Variants in EDNRB observed in about 807,000 individuals in gnomAD.
EDNRB encodes endothelin receptor type B, also known as Hirschsprung disease 2.
Under a neutral mutation model 46.4 loss-of-function variants are expected in EDNRB, and 18 were observed. That is an observed-to-expected ratio of 0.39 (90% CI 0.27 to 0.57). The LOEUF (loss-of-function observed/expected upper bound fraction) is 0.57. Ranked by LOEUF, EDNRB falls within the 20% of genes least tolerant of loss-of-function variation. The probability of loss-of-function intolerance (pLI) is 0.61; values close to 1 mark genes in which losing one functional copy is unlikely to be tolerated. For missense variants in EDNRB, 434 were observed against 537.5 expected (o/e 0.81, Z 1.90); for synonymous variants, 213 against 204.9 (o/e 1.04, Z -0.34).
chr13:77,908,021 CAAA>C (rs1215042889), intron 1 of EDNRB, among the ~76,000 whole-genome samples: 11 of 55,086 alleles, frequency 2.0e-4, no homozygotes, highest in East Asian at 1.1e-3. Context: ...AAAGAGACTG[CAAA>C]AAAAAAAAAA....
At chr13:77,962,152 A>G (rs1881435053) in intron 1 of EDNRB, among the ~76,000 whole-genome samples, 1 of 152,182 alleles carries the variant, frequency 6.6e-6, no homozygotes, top group South Asian at 2.1e-4. Flanking sequence ...CCTACCAACC[A>G]AAAAACGTCC....
intron 1 of EDNRB, among the ~76,000 whole-genome samples, chr13:77,917,542 A>G (rs1337318314): frequency 6.6e-6 from 1 of 152,214 alleles, no homozygotes; most frequent in Non-Finnish European, 1.5e-5. Flanking sequence ...ATTCTAACTT[A>G]GTAAGTCTGA....
At chr13:77,938,843 T>C (rs1304708035) in intron 1 of EDNRB, among the ~76,000 whole-genome samples, 1 of 152,158 alleles carries the variant, frequency 6.6e-6, no homozygotes, top group Admixed American at 6.5e-5. Flanking sequence ...CGATTTAAAA[T>C]TGGTGAGATG....
At chr13:77,962,987 C>T (rs1566339930) in intron 1 of EDNRB, among the ~76,000 whole-genome samples, 1 of 151,524 alleles carries the variant, frequency 6.6e-6, no homozygotes, top group Admixed American at 6.6e-5. Flanking sequence ...AACAGACAAA[C>T]AGAGCCAAAT....
Position 77,897,581 on chromosome 13 carries a change from A to G in EDNRB, c.*619T>C. The G allele has an allele frequency of 1.0e-6, 1 of 985,386 alleles. No homozygotes were observed. The highest frequency in any genetic ancestry group is 1.2e-6 in the Non-Finnish European group (1 of 829,998). The allele number at this position is 985,386 out of a possible 1,614,324, so 61.0% of individuals were successfully genotyped here. A position where few individuals can be genotyped will look rare whatever the true frequency, so the allele number is the denominator to read the frequency against. ...GCAGAATGCTGAGGTTTGGGCTTCT[A>G]GTGAAAGTGTAATGATTTTCAAAAA... On this transcript the variant is annotated 3_prime_UTR_variant, in exon 7 of 7. Coordinates refer to ENST00000646607, the MANE Select transcript of EDNRB (RefSeq NM_001122659.3).
chr13:77,955,354 A>T (rs1881204877), intron 1 of EDNRB, among the ~76,000 whole-genome samples: 1 of 152,100 alleles, frequency 6.6e-6, no homozygotes, highest in African/African-American at 2.4e-5. Flanking sequence ...GGAGTTTCTT[A>T]TATACTTTGG....
intron 1 of EDNRB, chr13:77,939,525 T>C (rs575624083): frequency 1.6e-4 from 25 of 152,346 alleles, no homozygotes; most frequent in African/African-American, 6.0e-4. Flanking sequence ...TTAAATGAAG[T>C]CATGAATGAA....
At chr13:77,949,578 G>A (rs1453697480) in intron 1 of EDNRB, among the ~76,000 whole-genome samples, 1 of 152,096 alleles carries the variant, frequency 6.6e-6, no homozygotes, top group Admixed American at 6.6e-5. Flanking sequence ...GACCTTAATT[G>A]ACACACTGAG....
chr13:77,959,355 C>G (rs569988554), intron 1 of EDNRB, among the ~76,000 whole-genome samples: 1 of 152,188 alleles, frequency 6.6e-6, no homozygotes, highest in Non-Finnish European at 1.5e-5. Context: ...TCCAGAGGAA[C>G]GATCAGGCAG....
chr13:77,895,822 A>G lies in EDNRB; in HGVS notation c.*2378T>C, dbSNP rs1047286785. On this transcript the variant is annotated 3_prime_UTR_variant, in exon 7 of 7. Coordinates refer to ENST00000646607, the MANE Select transcript of EDNRB (RefSeq NM_001122659.3). Reference sequence around the variant, plus strand: ...TGCTATAAACTGTATTCCTTTGGCCATATGTAAGCTATCAATACTAAAAGG... The same window carrying G: ...TGCTATAAACTGTATTCCTTTGGCCGTATGTAAGCTATCAATACTAAAAGG... The G allele has an allele frequency of 4.6e-5, 7 of 152,076 alleles. No individual in the cohort carries two copies. The highest frequency in any genetic ancestry group is 1.4e-4 in the African/African-American group (6 of 41,424). The allele number at this position is 152,076 out of a possible 1,614,324, so 9.4% of individuals were successfully genotyped here.
chr13:77,914,831 G>A (rs1159908093), intron 1 of EDNRB, among the ~76,000 whole-genome samples: 1 of 152,152 alleles, frequency 6.6e-6, no homozygotes, highest in Non-Finnish European at 1.5e-5. Flanking sequence ...CTTCCAATAA[G>A]AGCTATGACA....
chr13:77,940,915 G>A (rs1044667929), intron 1 of EDNRB, among the ~76,000 whole-genome samples: 7 of 152,222 alleles, frequency 4.6e-5, no homozygotes, highest in African/African-American at 1.2e-4. Flanking sequence ...GATGGGAACA[G>A]GATCCTAGAT....
chr13:77,908,612 A>G (rs1879412406), intron 1 of EDNRB, among the ~76,000 whole-genome samples: 2 of 152,010 alleles, frequency 1.3e-5, no homozygotes, highest in African/African-American at 4.8e-5. Context: ...TGAAGAGGAA[A>G]TGGATTCACT....
chr13:77,908,043 A>AAGAG (rs1555291126), intron 1 of EDNRB, among the ~76,000 whole-genome samples: 4,682 of 72,270 alleles, frequency 0.065, 854 homozygotes, highest in East Asian at 0.29. Flanking sequence ...AAAAAAAAAA[A>AAGAG]AGAGAGAGAG....
chr13:77,966,808 A>G (rs941969632), intron 1 of EDNRB, among the ~76,000 whole-genome samples: 1 of 152,194 alleles, frequency 6.6e-6, no homozygotes, highest in Non-Finnish European at 1.5e-5. Context: ...ACTATGTGAA[A>G]TGATGACATT....
At chr13:77,901,715 G>A (rs146193428) in intron 3 of EDNRB, among the ~76,000 whole-genome samples, 168 of 151,968 alleles carry the variant, frequency 1.1e-3, no homozygotes, top group African/African-American at 3.8e-3. Flanking sequence ...GACTTATGTC[G>A]TATCTCTTAT....
chr13:77,917,796 C>A (rs1879883613), intron 1 of EDNRB, among the ~76,000 whole-genome samples: 1 of 152,224 alleles, frequency 6.6e-6, no homozygotes. Flanking sequence ...GAAAAATCTT[C>A]ATGTGCACCA....
chr13:77,900,164 T>C (rs1594356273), intron 5 of EDNRB, among the ~76,000 whole-genome samples, 197 bp from the exon 6 acceptor site: 1 of 152,108 alleles, frequency 6.6e-6, no homozygotes, highest in African/African-American at 2.4e-5. Flanking sequence ...CTACTGACTT[T>C]CCTCCATTTC....
intron 1 of EDNRB, among the ~76,000 whole-genome samples, chr13:77,936,384 T>A (rs536112749): frequency 6.6e-6 from 1 of 152,016 alleles, no homozygotes; most frequent in South Asian, 2.1e-4. Flanking sequence ...GTTGGGGAGT[T>A]TTAAGAGGTT....
Sources: allele counts gnomAD v4.1 joint callset (sites outside exome capture counted in the v4.1 genomes callset), GRCh38; gene constraint gnomAD v4.1.1; transcripts MANE v1.5; gene names NCBI Gene and HGNC (gene_info 2026-07-23, HGNC 2026-07-21).